Variants in COMMD5 observed in about 807,000 individuals in gnomAD.
COMMD5 encodes COMM domain-containing protein 5.
In COMMD5, 10 loss-of-function variants were observed where a neutral mutation model predicts 6.9. The ratio of observed to expected loss-of-function variants is 1.44; its 90% confidence interval spans 0.89 to 2.45. The LOEUF is 2.45. Ranked by LOEUF, COMMD5 falls within the 30% of genes most tolerant of loss-of-function variation. The pLI is 0.00. For synonymous variants in COMMD5, 127 were observed against 125.3 expected (o/e 1.01, Z -0.09); for missense variants, 234 against 287.8 (o/e 0.81, Z 1.35).
intron 1 of COMMD5, chr8:144,842,983 A>G: frequency 1.2e-6 from 2 of 1,614,238 alleles, no homozygotes; most frequent in Non-Finnish European, 1.7e-6. Flanking sequence ...GAGCCGTAAA[A>G]AGGTTAATAC....
intron 1 of COMMD5, 188 bp downstream of exon 1, chr8:144,852,651 A>T (rs1165557305): frequency 6.6e-6 from 1 of 152,290 alleles, no homozygotes; most frequent in Non-Finnish European, 1.5e-5. Context: ...CCAAAGAGCC[A>T]TCCGGGAAGG....
chr8:144,841,359 T>C (rs1178554778), exon 2 of COMMD5: 3 of 1,598,836 alleles, frequency 1.9e-6, no homozygotes, highest in Non-Finnish European at 8.6e-7. Flanking sequence ...TTTCAGATTC[T>C]ACGATTAGGA....
At chr8:144,849,669 T>C (rs892195406), downstream of COMMD5, among the ~76,000 whole-genome samples, 3 of 152,094 alleles carry the variant, frequency 2.0e-5, no homozygotes, top group African/African-American at 7.2e-5. Context: ...AACACAGTTA[T>C]GCTGGAAGCT....
chr8:144,840,979 G>A (rs1586831493), downstream of COMMD5: 2 of 208,602 alleles, frequency 9.6e-6, no homozygotes, highest in East Asian at 1.2e-4. Flanking sequence ...TCGCCAGCTC[G>A]GATGCTGGAG....
upstream of COMMD5, chr8:144,853,091 G>T (rs957377335): frequency 3.3e-5 from 5 of 152,262 alleles, no homozygotes; most frequent in African/African-American, 9.6e-5. Context: ...AGGCAGCAAT[G>T]ACCGCCCCAC....
At chr8:144,845,863 T>C, downstream of COMMD5, 2 of 984,606 alleles carry the variant, frequency 2.0e-6, no homozygotes, top group Non-Finnish European at 3.0e-6. Flanking sequence ...ATGTGTGCAG[T>C]GTCCCTGCCT....
downstream of COMMD5, chr8:144,838,860 TGAGCCCAGGAGGCA>T (rs1251566117): frequency 8.3e-5 from 3 of 36,114 alleles, no homozygotes; most frequent in Admixed American, 3.5e-4. Context: ...GAGAATGGTG[TGAGCCCAGGAGGCA>T]GAGCTTGCAG....
chr8:144,846,344 T>G (rs1392769775), downstream of COMMD5: 2 of 653,026 alleles, frequency 3.1e-6, no homozygotes, highest in Non-Finnish European at 5.1e-6. Flanking sequence ...GCTTTTTACA[T>G]TTCTGAATGG....
chr8:144,850,920 G>A lies in COMMD5; in HGVS notation c.419C>T (p.Ser140Phe), dbSNP rs1313342192. Residue 140 changes from serine (S) to phenylalanine (F), a missense_variant, in exon 2 of 2, where the codon TCT (serine) becomes TTT (phenylalanine). Ser to Phe is a radical substitution (Grantham distance 155, BLOSUM62 -2). Coordinates refer to ENST00000305103, the MANE Select transcript of COMMD5 (RefSeq NM_014066.4). The surrounding 1 kb of genome is among the most constrained non-coding windows in gnomAD (Gnocchi z 4.0). ...CCAGGCCCCCTGCTGCTGGGCCACA[G>A]AATCAAGGAGGGGCCGCTGGCTCCC... Reference protein sequence around the residue: ...VFGSQRPLLDSVAQQQGAWLP... With the variant: ...VFGSQRPLLDFVAQQQGAWLP... 6.2e-7 allele frequency: 1 copy of A among 1,608,094 alleles called. No individual in the cohort carries two copies. Among genetic ancestry groups the A allele is most frequent in the Non-Finnish European group, 8.5e-7 (1 of 1,177,800 alleles).
downstream of COMMD5, among the ~76,000 whole-genome samples, chr8:144,839,939 TTTATTTTTTTA>T (rs1829650320): frequency 6.6e-6 from 1 of 152,286 alleles, no homozygotes; most frequent in South Asian, 2.1e-4. Flanking sequence ...GCCGCTGCTC[TTTATTTTTTTA>T]TTTTTTGAGA....
intron 1 of COMMD5, chr8:144,842,575 A>G (rs1830082638): frequency 1.9e-6 from 3 of 1,614,110 alleles, no homozygotes; most frequent in Admixed American, 1.7e-5. Context: ...GCATCAGCGA[A>G]TCCACACTGG....
At chr8:144,841,525 G>A (rs537677717) in exon 2 of COMMD5, 57 of 1,614,140 alleles carry the variant, frequency 3.5e-5, no homozygotes, top group South Asian at 1.1e-4. Context: ...GGGCAGTCCC[G>A]GGCTGAAAGT....
chr8:144,849,994 AG>A (rs771398288), downstream of COMMD5, among the ~76,000 whole-genome samples: 7 of 152,010 alleles, frequency 4.6e-5, no homozygotes, highest in Non-Finnish European at 1.0e-4. Context: ...TAAGCACGTC[AG>A]GCCTCCCCAC....
chr8:144,842,948 A>G (rs1586843525), intron 1 of COMMD5: 2 of 1,614,096 alleles, frequency 1.2e-6, no homozygotes, highest in African/African-American at 2.7e-5. Flanking sequence ...GAATATGGGA[A>G]TGCCCTGGAA....
downstream of COMMD5, chr8:144,846,282 A>T: frequency 8.5e-7 from 1 of 1,179,116 alleles, no homozygotes; most frequent in African/African-American, 1.5e-5. Flanking sequence ...CAGCACCTGG[A>T]TTCTCTCTGG....
intron 1 of COMMD5, chr8:144,843,477 G>A (rs2953887): frequency 0.24 from 46,285 of 194,380 alleles, 7,977 homozygotes; most frequent in African/African-American, 0.53. Context: ...GGTCCCAGCT[G>A]CTCGGGAGGC....
At chr8:144,846,851 A>G (rs1331491639), downstream of COMMD5, 3 of 152,094 alleles carry the variant, frequency 2.0e-5, no homozygotes, top group Non-Finnish European at 4.4e-5. Context: ...GGTGCCTGCT[A>G]CCACGCCCGG....
At chr8:144,840,653 G>T (rs1398741987), downstream of COMMD5, among the ~76,000 whole-genome samples, 2 of 152,188 alleles carry the variant, frequency 1.3e-5, no homozygotes, top group Non-Finnish European at 2.9e-5. Context: ...GAACGCAGAT[G>T]TCTGGAAGGC....
At chr8:144,844,405 A>G (rs1023495328) in intron 1 of COMMD5, among the ~76,000 whole-genome samples, 17 of 151,688 alleles carry the variant, frequency 1.1e-4, no homozygotes, top group African/African-American at 4.1e-4. Context: ...GGAAATAAAG[A>G]CAGTGGAGAA....
Sources: gnomAD v4.1 joint callset for allele counts (sites outside exome capture counted in the v4.1 genomes callset) on GRCh38, gnomAD v4.1.1 for gene constraint, Gnocchi (gnomAD v3.1) non-coding constraint, MANE v1.5 for transcripts, NCBI Gene and HGNC (gene_info 2026-07-23, HGNC 2026-07-21) for gene names.